IQSEC1: variants seen among roughly 807,000 people sequenced by gnomAD.
IQSEC1 encodes the protein IQ motif and Sec7 domain ArfGEF 1, also known as IQ motif and SEC7 domain-containing protein 1.
IQSEC1 carries 31 observed loss-of-function variants against 91.0 expected under a neutral mutation model. The ratio of observed to expected loss-of-function variants is 0.34; its 90% confidence interval spans 0.26 to 0.46. The LOEUF is 0.46. Among genes scored for constraint, IQSEC1 ranks in the 20% least tolerant of loss-of-function variants. The probability of loss-of-function intolerance (pLI) is 1.00; values close to 1 mark genes in which losing one functional copy is unlikely to be tolerated. For missense variants in IQSEC1, 1,388 were observed against 1,575.6 expected (o/e 0.88, Z 2.02); for synonymous variants, 699 against 662.6 (o/e 1.05, Z -0.84).
At chr3:13,052,108 G>A (rs1479311166) in intron 1 of IQSEC1, among the ~76,000 whole-genome samples, 1 of 152,174 alleles carries the variant, frequency 6.6e-6, no homozygotes, top group Non-Finnish European at 1.5e-5. Flanking sequence ...TGTCCACATG[G>A]TTCCCTCTCA....
At position 12,920,649 on chromosome 3, in the gene IQSEC1, C is replaced by G. The variant is rs1696544515; in HGVS notation, c.1854-53G>C. The G allele has an allele frequency of 1.9e-6, 3 of 1,564,116 alleles. No individual in the cohort carries two copies. In the Admixed American group the frequency reaches 5.0e-5, roughly 26 times the overall value. ...GCCATGGCGCAGCAAGTGACACGGC[C>G]CCTCTCTCACCCGCTGAGGCTGTCA... On this transcript the variant is annotated intron_variant, in intron 5 of 13. Transcript: ENST00000613206.
rs1377649445 is a variant in IQSEC1 at position 13,165,578 on chromosome 3, G to GTGTGTGTCTGTCTGTC, written c.273-1446_273-1445insGACAGACAGACACACA. On this transcript the variant is annotated intron_variant, in intron 1 of 15. Coordinates refer to the IQSEC1 transcript ENST00000648114. ...TGTGTGTGTGTGTGTGTGTGTGTGTGTGTCTGTCTGTCTTCACTTCATCGC... is the reference window on the plus strand; with the variant it reads ...TGTGTGTGTGTGTGTGTGTGTGTGTGTGTGTGTCTGTCTGTCTGTCTGTCTGTCTTCACTTCATCGC... 2.5e-4 allele frequency among the ~76,000 whole-genome samples: 26 copies of GTGTGTGTCTGTCTGTC among 105,750 alleles called. No homozygotes were observed. In the East Asian group the frequency reaches 3.6e-3, roughly 15 times the overall value. The allele number at this position is 105,750 out of a possible 152,430, so 69.4% of individuals were successfully genotyped here.
At chr3:12,953,123 G>T (rs1699668857) in intron 1 of IQSEC1, among the ~76,000 whole-genome samples, 1 of 152,222 alleles carries the variant, frequency 6.6e-6, no homozygotes, top group Admixed American at 6.5e-5. Flanking sequence ...CAGGAAGCTA[G>T]GTCTGAACTG....
chr3:12,987,003 C>T, intron 1 of IQSEC1: 1 of 444,526 alleles, frequency 2.2e-6, no homozygotes, highest in Non-Finnish European at 4.5e-6. Flanking sequence ...GGGCCTCCTG[C>T]CACAAACAGC....
intron 4 of IQSEC1, among the ~76,000 whole-genome samples, chr3:12,923,157 C>T (rs1478851771): frequency 2.0e-5 from 3 of 152,302 alleles, no homozygotes; most frequent in South Asian, 4.1e-4. Flanking sequence ...GCAGCAGGAG[C>T]AGCGGCCCTG....
In IQSEC1 at chr3:12,936,029, G is replaced by A; in HGVS notation, c.987C>T (p.Tyr329=). The A allele has an allele frequency of 6.2e-7, 1 of 1,602,302 alleles. No individual in the cohort carries two copies. Among genetic ancestry groups the A allele is most frequent in the Admixed American group, 1.7e-5 (1 of 60,024 alleles). Residue 329 remains tyrosine, a synonymous_variant, in exon 3 of 14, where the codon TAC becomes TAT. Coordinates refer to ENST00000613206, the MANE Select transcript of IQSEC1 (RefSeq NM_001134382.3). ...RLRAGGAAPD[Y]WALAHKEDKA... is the part of the protein sequence containing the mutation. ...TGTCCTCTTTGTGGGCCAGGGCCCA[G>A]TAGTCTGGGGCTGCGCCCCCAGCCC...
chr3:13,003,798 T>C (rs1385050362), intron 1 of IQSEC1, among the ~76,000 whole-genome samples: 1 of 152,232 alleles, frequency 6.6e-6, no homozygotes, highest in Non-Finnish European at 1.5e-5. Flanking sequence ...CTTCCTGAAT[T>C]TGACTAATGG....
intron 2 of IQSEC1, among the ~76,000 whole-genome samples, chr3:13,105,465 C>T (rs1706138859): frequency 6.6e-6 from 1 of 152,198 alleles, no homozygotes; most frequent in Non-Finnish European, 1.5e-5. Context: ...GGGACAGAAC[C>T]TCTGGCTTTG....
At chr3:13,034,492 C>T (rs776504009) in intron 1 of IQSEC1, among the ~76,000 whole-genome samples, 118 of 152,318 alleles carry the variant, frequency 7.7e-4, no homozygotes, top group Non-Finnish European at 1.3e-3. Flanking sequence ...CTTGCTAACA[C>T]AGAAGGCAGC....
At chr3:13,206,386 G>A (rs562638828) in intron 1 of IQSEC1, among the ~76,000 whole-genome samples, 7 of 152,280 alleles carry the variant, frequency 4.6e-5, no homozygotes, top group East Asian at 3.9e-4. Flanking sequence ...ATGACAAGAC[G>A]CTCTACATCC....
intron 1 of IQSEC1, among the ~76,000 whole-genome samples, chr3:13,031,700 C>T (rs73014540): frequency 1.8e-3 from 270 of 151,902 alleles, no homozygotes; most frequent in Non-Finnish European, 2.9e-3. Flanking sequence ...AGGACAAAAA[C>T]GCTAAGCAAA....
At chr3:13,218,478 C>T (rs55654823) in intron 1 of IQSEC1, among the ~76,000 whole-genome samples, 130 of 152,312 alleles carry the variant, frequency 8.5e-4, no homozygotes, top group Non-Finnish European at 1.6e-3. Context: ...CTCTCCAAGG[C>T]AACAGAGTCT....
chr3:13,190,561 A>C (rs913395372), intron 1 of IQSEC1, among the ~76,000 whole-genome samples: 2 of 151,600 alleles, frequency 1.3e-5, no homozygotes, highest in Non-Finnish European at 3.0e-5. Flanking sequence ...GTCTCAAAAA[A>C]AAAAAACAGA....
intron 1 of IQSEC1, among the ~76,000 whole-genome samples, chr3:13,234,489 C>T (rs992349404): frequency 2.0e-5 from 3 of 152,180 alleles, no homozygotes; most frequent in South Asian, 2.1e-4. Context: ...CTGGGAGACC[C>T]CCTCCCTTCC....
chr3:12,920,943 T>C (rs1696574566), intron 5 of IQSEC1, among the ~76,000 whole-genome samples: 1 of 152,110 alleles, frequency 6.6e-6, no homozygotes, highest in African/African-American at 2.4e-5. Flanking sequence ...CTGCCTGCAA[T>C]GGGGACATCA....
chr3:13,099,313 G>A (rs1360169039), intron 2 of IQSEC1, among the ~76,000 whole-genome samples: 1 of 152,228 alleles, frequency 6.6e-6, no homozygotes, highest in Non-Finnish European at 1.5e-5. Context: ...TGGGGCATGG[G>A]CAAATGAGGT....
At position 13,193,708 on chromosome 3, in the gene IQSEC1, A is replaced by C. The variant is rs139718419; in HGVS notation, c.273-29575T>G. On this transcript the variant is annotated intron_variant, in intron 1 of 15. Transcript: ENST00000648114. The surrounding 1 kb of genome is among the most constrained non-coding windows in gnomAD (Gnocchi z 4.2). Reference sequence around the variant, plus strand: ...GACCAAAGGCTGATGTCAGAGCTTAAGCCTCCCTCCTCCAACGGGCTCTCC... The same window carrying C: ...GACCAAAGGCTGATGTCAGAGCTTACGCCTCCCTCCTCCAACGGGCTCTCC... Among the ~76,000 whole-genome samples the C allele has an allele frequency of 1.9e-3, 282 of 152,256 alleles. 1 individual carries two copies. Among genetic ancestry groups the C allele is most frequent in the African/African-American group, 6.4e-3 (266 of 41,550 alleles).
At chr3:13,088,515 C>T (rs1176293034) in intron 2 of IQSEC1, among the ~76,000 whole-genome samples, 2 of 152,044 alleles carry the variant, frequency 1.3e-5, no homozygotes, top group Non-Finnish European at 2.9e-5. Flanking sequence ...TCCTGTCGCC[C>T]TCCCCGCTCC....
chr3:12,968,476 G>C (rs1318288863), intron 1 of IQSEC1, among the ~76,000 whole-genome samples: 2 of 152,214 alleles, frequency 1.3e-5, no homozygotes, highest in African/African-American at 2.4e-5. Context: ...ACATTGTGAA[G>C]TAGGTGGAGT....
Sources: allele counts gnomAD v4.1 joint callset (sites outside exome capture counted in the v4.1 genomes callset), GRCh38; gene constraint gnomAD v4.1.1; non-coding constraint Gnocchi (gnomAD v3.1); transcripts MANE v1.5; gene names NCBI Gene and HGNC (gene_info 2026-07-23, HGNC 2026-07-21).